Variants in RASA2 observed in about 807,000 individuals in gnomAD.
The protein encoded by RASA2 is ras GTPase-activating protein 2.
RASA2 carries 155 observed loss-of-function variants against 118.2 expected under a neutral mutation model. The ratio of observed to expected loss-of-function variants is 1.31; its 90% CI spans 1.15 to 1.50. The LOEUF (loss-of-function observed/expected upper bound fraction) is 1.50, where lower values mean the gene tolerates loss of function less well. Ranked by LOEUF, RASA2 falls within the 40% of genes most tolerant of loss-of-function variation. RASA2 has a pLI of 0.00. For synonymous variants in RASA2, 353 were observed against 349.1 expected, an observed-to-expected ratio of 1.01 and a Z score of -0.12; for missense variants, 1,016 against 1,009.6, an observed-to-expected ratio of 1.01 and a Z score of -0.09.
chr3:141,553,708 A>G (rs2082606419), intron 5 of RASA2, 149 bp from the exon 6 acceptor site: 1 of 1,332,902 alleles, frequency 7.5e-7, no homozygotes, highest in Non-Finnish European at 9.7e-7. Flanking sequence ...ATTACTACCT[A>G]TTCCATATAG....
Position 141,529,820 on chromosome 3 carries a change from T to C in RASA2, c.450+18T>C, listed in dbSNP as rs1367895826. ...AGGTTCAGGTAAATATTAAGGCTTA[T>C]GTAATACAAGAGATTGTCACAGGAA... On this transcript the variant is annotated intron_variant, in intron 4 of 23. Coordinates refer to ENST00000286364, the MANE Select transcript of RASA2 (RefSeq NM_006506.5). 1 of 1,539,738 alleles carries C rather than the reference T, an allele frequency of 6.5e-7. No individual in the cohort carries two copies. Among genetic ancestry groups the C allele is most frequent in the Admixed American group, 1.7e-5 (1 of 57,378 alleles).
chr3:141,534,760 T>G (rs1476079590), intron 4 of RASA2, among the ~76,000 whole-genome samples: 2 of 151,606 alleles, frequency 1.3e-5, no homozygotes, highest in Admixed American at 1.3e-4. Flanking sequence ...TTTTTTAACT[T>G]CATTTTAAAT....
intron 5 of RASA2, among the ~76,000 whole-genome samples, chr3:141,544,091 C>T: frequency 6.6e-6 from 1 of 151,908 alleles, no homozygotes; most frequent in East Asian, 1.9e-4. Flanking sequence ...GGCCAGGCTG[C>T]TCTCGAACTC....
At chr3:141,521,099 G>A (rs1037689096) in intron 3 of RASA2, among the ~76,000 whole-genome samples, 1 of 152,198 alleles carries the variant, frequency 6.6e-6, no homozygotes, top group African/African-American at 2.4e-5. Flanking sequence ...TAGTATTACC[G>A]GGGTACATCT....
intron 19 of RASA2, chr3:141,600,328 GT>G: frequency 1.9e-6 from 1 of 535,188 alleles, no homozygotes; most frequent in Non-Finnish European, 3.8e-6. Flanking sequence ...TGTCCAAAGT[GT>G]TAGGTTGTCT....
intron 6 of RASA2, among the ~76,000 whole-genome samples, chr3:141,554,795 T>C (rs2082624059): frequency 6.6e-6 from 1 of 152,240 alleles, no homozygotes. Context: ...AACAATAGTA[T>C]GCTATTAGCA....
intron 1 of RASA2, among the ~76,000 whole-genome samples, chr3:141,499,389 G>T (rs1478106712): frequency 6.6e-6 from 1 of 151,938 alleles, no homozygotes; most frequent in Non-Finnish European, 1.5e-5. Context: ...TATTTATGTG[G>T]AATTGTACTT....
rs1484537373 is a variant in RASA2 at position 141,580,084 on chromosome 3, AAATAT to A, written c.1591-282_1591-278del. Among the ~76,000 whole-genome samples the A allele has an allele frequency of 6.0e-3, 536 of 88,870 alleles. 2 individuals are homozygous for A. Among genetic ancestry groups the A allele is most frequent in the Middle Eastern group, 0.021 (3 of 142 alleles). 58.3% of individuals were successfully genotyped at this position (88,870 alleles called of 152,430 possible). A position where few individuals can be genotyped will look rare whatever the true frequency, so the allele number is the denominator to read the frequency against. On this transcript the variant is annotated intron_variant, in intron 15 of 23. Coordinates refer to ENST00000286364, the MANE Select transcript of RASA2 (RefSeq NM_006506.5). ...AAAAAAAAAAGAAAAAAAAAAAAAA[AAATAT>A]ATATATATATATATATATATATATA...
At chr3:141,550,780 C>T (rs1361485093) in intron 5 of RASA2, among the ~76,000 whole-genome samples, 1 of 152,148 alleles carries the variant, frequency 6.6e-6, no homozygotes, top group East Asian at 1.9e-4. Context: ...TGGCGTAAAA[C>T]CGGGAGGCGG....
chr3:141,554,381 T>C (rs2082618828), intron 6 of RASA2, among the ~76,000 whole-genome samples: 1 of 152,216 alleles, frequency 6.6e-6, no homozygotes, highest in Non-Finnish European at 1.5e-5. Flanking sequence ...TTTCTACTCA[T>C]GAAATCTGTC....
intron 1 of RASA2, among the ~76,000 whole-genome samples, chr3:141,497,541 T>C (rs1243565465): frequency 6.6e-6 from 1 of 151,992 alleles, no homozygotes; most frequent in East Asian, 1.9e-4. Flanking sequence ...TTTTGAGTGC[T>C]ATAGAAGAAA....
chr3:141,595,742 C>T (rs2083356196), intron 19 of RASA2, among the ~76,000 whole-genome samples: 1 of 152,108 alleles, frequency 6.6e-6, no homozygotes, highest in Admixed American at 6.5e-5. Flanking sequence ...GATCCTCCTG[C>T]CTCTGCCTTC....
chr3:141,597,173 G>A (rs1316031637), intron 19 of RASA2, among the ~76,000 whole-genome samples: 2 of 152,164 alleles, frequency 1.3e-5, no homozygotes, highest in Non-Finnish European at 2.9e-5. Flanking sequence ...GGCCAAGGTA[G>A]GAGGATGACT....
chr3:141,502,047 G>A (rs2081790892), intron 1 of RASA2, among the ~76,000 whole-genome samples: 1 of 152,064 alleles, frequency 6.6e-6, no homozygotes, highest in Admixed American at 6.6e-5. Flanking sequence ...ATTCTCAAAG[G>A]AAATACTCAT....
At chr3:141,582,898 C>A (rs1359474739) in intron 17 of RASA2, among the ~76,000 whole-genome samples, 1 of 152,134 alleles carries the variant, frequency 6.6e-6, no homozygotes, top group African/African-American at 2.4e-5. Context: ...AAAGGATAAC[C>A]TGGATAGTTC....
intron 4 of RASA2, among the ~76,000 whole-genome samples, chr3:141,530,205 G>C (rs1439471775): frequency 6.6e-6 from 1 of 152,056 alleles, no homozygotes; most frequent in Non-Finnish European, 1.5e-5. Context: ...AACTGGACTT[G>C]GGGAAATGTT....
At chr3:141,494,918 T>A (rs917313044) in intron 1 of RASA2, among the ~76,000 whole-genome samples, 17 of 152,250 alleles carry the variant, frequency 1.1e-4, no homozygotes, top group African/African-American at 3.9e-4. Flanking sequence ...GAATTTATTC[T>A]TAAGTTGATT....
intron 4 of RASA2, among the ~76,000 whole-genome samples, chr3:141,530,181 T>C (rs2082240695): frequency 6.6e-6 from 1 of 152,134 alleles, no homozygotes; most frequent in Admixed American, 6.6e-5. Context: ...TGATTCTCTG[T>C]TTACTCTCTA....
At chr3:141,544,233 T>C (rs1258372336) in intron 5 of RASA2, among the ~76,000 whole-genome samples, 2 of 152,190 alleles carry the variant, frequency 1.3e-5, no homozygotes, top group Non-Finnish European at 2.9e-5. Flanking sequence ...AATAGATTTA[T>C]TTAATTTATC....
Sources: allele counts gnomAD v4.1 joint callset (sites outside exome capture counted in the v4.1 genomes callset), GRCh38; gene constraint gnomAD v4.1.1; transcripts MANE v1.5; gene names NCBI Gene and HGNC (gene_info 2026-07-23, HGNC 2026-07-21).